Variants in TTC27 observed in about 807,000 individuals in gnomAD.
TTC27 encodes tetratricopeptide repeat domain 27.
TTC27 carries 79 observed loss-of-function variants against 115.9 expected under a neutral mutation model. The observed-to-expected ratio is 0.68, with a 90% CI of 0.57 to 0.82. The LOEUF (loss-of-function observed/expected upper bound fraction) is 0.82. TTC27 is among the 40% of genes least tolerant of loss of function. The pLI, the probability that TTC27 is intolerant of heterozygous loss-of-function variation, is 0.00. For synonymous variants in TTC27, 401 were observed against 356.0 expected, an observed-to-expected ratio of 1.13 and a Z score of -1.42; for missense variants, 1,054 against 993.1, an observed-to-expected ratio of 1.06 and a Z score of -0.82.
intron 16 of TTC27, among the ~76,000 whole-genome samples, chr2:32,809,580 T>C (rs942233284): frequency 7.2e-5 from 11 of 152,226 alleles, no homozygotes; most frequent in African/African-American, 2.7e-4. Context: ...TGTCGGTCCA[T>C]GGACTGCACT....
chr2:32,681,053 T>A (rs1402877036), intron 9 of TTC27, among the ~76,000 whole-genome samples: 2 of 152,202 alleles, frequency 1.3e-5, no homozygotes. Context: ...CAGGCCTTTA[T>A]GCTGTGTGAT....
chr2:32,819,896 C>T (rs566295259), intron 19 of TTC27, among the ~76,000 whole-genome samples: 7 of 152,140 alleles, frequency 4.6e-5, no homozygotes, highest in Non-Finnish European at 1.0e-4. Context: ...GAAGTGATGC[C>T]GATTGATTAT....
chr2:32,798,951 G>A (rs72862736), intron 16 of TTC27, among the ~76,000 whole-genome samples: 3,013 of 152,244 alleles, frequency 0.02, 93 homozygotes, highest in African/African-American at 0.065. Flanking sequence ...ATTCATAGCA[G>A]CATTATTCAC....
At chr2:32,770,767 T>C (rs942541599) in intron 13 of TTC27, among the ~76,000 whole-genome samples, 7 of 152,242 alleles carry the variant, frequency 4.6e-5, no homozygotes, top group Non-Finnish European at 8.8e-5. Flanking sequence ...TTTAACTTTT[T>C]CTTTCATTTT....
At chr2:32,750,188 T>G (rs1375738344) in intron 12 of TTC27, among the ~76,000 whole-genome samples, 1 of 152,096 alleles carries the variant, frequency 6.6e-6, no homozygotes, top group Non-Finnish European at 1.5e-5. Flanking sequence ...AGCAGGGGCT[T>G]GTGGAGGGAT....
intron 12 of TTC27, among the ~76,000 whole-genome samples, chr2:32,739,329 C>T (rs1251671613): frequency 6.6e-6 from 1 of 151,970 alleles, no homozygotes; most frequent in Non-Finnish European, 1.5e-5. Context: ...ATCACAAATG[C>T]TCAAAGCATA....
intron 16 of TTC27, among the ~76,000 whole-genome samples, chr2:32,807,536 AAT>A (rs1369999308): frequency 3.3e-5 from 5 of 152,204 alleles, no homozygotes. Context: ...TCATCATCCT[AAT>A]ATATCTATTT....
chr2:32,817,396 G>T, intron 18 of TTC27, 61 bp from the exon 19 acceptor site: 2 of 1,384,184 alleles, frequency 1.4e-6, no homozygotes, highest in South Asian at 2.5e-5. Flanking sequence ...ATTGGCTTTT[G>T]TACCTGTGAA....
At chr2:32,798,713 AAATAATAAT>A (rs200425222) in intron 16 of TTC27, among the ~76,000 whole-genome samples, 71 of 142,226 alleles carry the variant, frequency 5.0e-4, no homozygotes, top group Admixed American at 7.0e-4. Context: ...TCAAAAAAAA[AAATAATAAT>A]AATAATAATA....
intron 18 of TTC27, among the ~76,000 whole-genome samples, chr2:32,812,869 G>C (rs1671363351): frequency 1.3e-5 from 2 of 152,208 alleles, no homozygotes; most frequent in Non-Finnish European, 2.9e-5. Flanking sequence ...AACTTTTTTA[G>C]AGATGTGAAA....
chr2:32,786,839 G>A, intron 15 of TTC27, 145 bp from the exon 16 acceptor site: 2 of 699,672 alleles, frequency 2.9e-6, no homozygotes, highest in South Asian at 2.5e-5. Flanking sequence ...AGTTGGTTTT[G>A]TGTTGTCTGG....
intron 5 of TTC27, among the ~76,000 whole-genome samples, chr2:32,651,277 G>C (rs1439241687): frequency 6.6e-6 from 1 of 152,194 alleles, no homozygotes; most frequent in East Asian, 1.9e-4. Context: ...CATTCATGAA[G>C]GTATAACATA....
chr2:32,662,750 G>A (rs890590347), intron 5 of TTC27, among the ~76,000 whole-genome samples: 1 of 151,366 alleles, frequency 6.6e-6, no homozygotes, highest in Admixed American at 6.6e-5. Context: ...TTTTTTTTTG[G>A]AAGGGTTTTT....
At chr2:32,648,134 C>CT (rs1386820215) in intron 4 of TTC27, among the ~76,000 whole-genome samples, 1 of 149,134 alleles carries the variant, frequency 6.7e-6, no homozygotes, top group East Asian at 1.9e-4. Context: ...ACCGTATATA[C>CT]TTTTTTTTTT....
chr2:32,802,254 G>T (rs1248270100), intron 16 of TTC27, among the ~76,000 whole-genome samples: 1 of 152,076 alleles, frequency 6.6e-6, no homozygotes, highest in African/African-American at 2.4e-5. Context: ...ACAGTACAAA[G>T]GGGAAAATAT....
At chr2:32,695,503 G>A (rs12995871) in intron 9 of TTC27, among the ~76,000 whole-genome samples, 3 of 151,330 alleles carry the variant, frequency 2.0e-5, no homozygotes, top group Non-Finnish European at 4.4e-5. Context: ...GGCAGATCAC[G>A]AGGTCAGGAG....
intron 12 of TTC27, among the ~76,000 whole-genome samples, chr2:32,757,913 GC>G (rs544812795): frequency 1.3e-3 from 198 of 152,260 alleles, no homozygotes; most frequent in African/African-American, 4.5e-3. Flanking sequence ...TATTGGCCAG[GC>G]TGGTCTTGAA....
rs537148849 is a variant in TTC27 at position 32,794,915 on chromosome 2, A to G, written c.1998+7766A>G. Among the ~76,000 whole-genome samples the G allele has an allele frequency of 3.3e-5, 5 of 152,290 alleles. No individual in the cohort carries two copies. In the South Asian group the frequency reaches 1.0e-3, roughly 32 times the overall value. ...AGAAACAAGAAATCTGAATAGATGT[A>G]TAACTAGTAAGTAGATAGAATCAGG... On this transcript the variant is annotated intron_variant, in intron 16 of 19. Coordinates refer to ENST00000317907, the MANE Select transcript of TTC27 (RefSeq NM_017735.5).
At chr2:32,694,944 G>A (rs1666934722) in intron 9 of TTC27, among the ~76,000 whole-genome samples, 1 of 151,932 alleles carries the variant, frequency 6.6e-6, no homozygotes, top group South Asian at 2.1e-4. Context: ...CTCCCAAAGT[G>A]CTGGGATTAC....
Sources: allele counts gnomAD v4.1 joint callset (sites outside exome capture counted in the v4.1 genomes callset), GRCh38; gene constraint gnomAD v4.1.1; transcripts MANE v1.5; gene names NCBI Gene and HGNC (gene_info 2026-07-23, HGNC 2026-07-21).